Variants in AUP1 observed in about 807,000 individuals in gnomAD.
AUP1 encodes the protein lipid droplet-regulating VLDL assembly factor AUP1.
AUP1 carries 30 observed loss-of-function variants against 51.8 expected under a neutral mutation model. That is an observed-to-expected ratio of 0.58 (90% CI 0.43 to 0.79). The LOEUF is 0.79. Among genes scored for constraint, AUP1 ranks in the 30% least tolerant of loss-of-function variants. The pLI, the probability that AUP1 is intolerant of heterozygous loss-of-function variation, is 0.00. For missense variants in AUP1, 492 were observed against 517.1 expected, an observed-to-expected ratio of 0.95 and a Z score of 0.47; for synonymous variants, 227 against 209.0, an observed-to-expected ratio of 1.09 and a Z score of -0.74.
At position 74,528,771 on chromosome 2, in the gene AUP1, C is replaced by T. The variant is rs775317054; in HGVS notation, c.504G>A (p.Arg168=). ...LFPEEEATNG[R]EGLLRFSSWP... is the part of the protein sequence containing the mutation. ...CCCACCTGAAGCGCAGGAGCCCCTC[C>T]CGGCCATTGGTGGCCTCTTCCTCAG... Residue 168 remains arginine, a synonymous_variant, in exon 4 of 12, where the codon CGG becomes CGA. Transcript: ENST00000377526. 1.2e-6 allele frequency: 2 copies of T among 1,607,050 alleles called. No individual in the cohort carries two copies. Among genetic ancestry groups the T allele is most frequent in the Admixed American group, 3.4e-5 (2 of 58,654 alleles).
intron 4 of AUP1, 80 bp downstream of exon 4, chr2:74,528,671 C>A (rs758521798): frequency 6.7e-7 from 1 of 1,490,862 alleles, no homozygotes; most frequent in African/African-American, 1.4e-5. Flanking sequence ...GTCTAAGGGC[C>A]GAAGAAAGTT....
Position 74,529,016 on chromosome 2 carries a change from C to A in AUP1, c.340-81G>T, listed in dbSNP as rs754588945. ...AAAACTGACATGTTGGGTAGAGGAT[C>A]GGGGTTAGGGGTAAGGCTCAGTATC... On this transcript the variant is annotated intron_variant, in intron 3 of 11. Coordinates refer to ENST00000377526, the MANE Select transcript of AUP1 (RefSeq NM_181575.5). The A allele has an allele frequency of 2.5e-6, 4 of 1,603,618 alleles. No homozygotes were observed. In the African/African-American group the frequency reaches 5.4e-5, roughly 22 times the overall value.
rs752108501 is a variant in AUP1 at position 74,528,854 on chromosome 2, A to G, written c.421T>C (p.Ser141Pro). 6.2e-7 allele frequency: 1 copy of G among 1,613,526 alleles called. No homozygotes were observed. The highest frequency in any genetic ancestry group is 1.7e-5 in the Admixed American group (1 of 59,936). The change falls in exon 4 of 12, where the codon TCA becomes CCA. Residue 141 changes from serine (S) to proline (P), a missense_variant. Coordinates refer to ENST00000377526, the MANE Select transcript of AUP1 (RefSeq NM_181575.5). ...GTGGAAGCACAGAATCTCTTGAGTG[A>G]CTCCACCAACTCCCCCCGCCCATTC... The part of the protein sequence containing the change: ...EMNGRGELVE[S>P]LKRFCASTRL...
At chr2:74,529,065 A>C in intron 3 of AUP1, 67 bp downstream of exon 3, 1 of 1,611,290 alleles carries the variant, frequency 6.2e-7, no homozygotes, top group Non-Finnish European at 8.5e-7. Flanking sequence ...GCGAGTGGGG[A>C]CAGGGGGGCC....
Position 74,528,337 on chromosome 2 carries a change from G to A in AUP1, c.598-16C>T. ...CTGACACCGTCTGAGGGGAGGGCAT[G>A]AGATGAGGCCTAAGCCAGGGCCAGG... On this transcript the variant is annotated splice_polypyrimidine_tract_variant and intron_variant, in intron 5 of 11. Transcript: ENST00000377526. 1.9e-6 allele frequency: 3 copies of A among 1,613,912 alleles called. No individual in the cohort carries two copies. Among genetic ancestry groups the A allele is most frequent in the Non-Finnish European group, 2.5e-6 (3 of 1,179,758 alleles).
Position 74,529,448 on chromosome 2 carries a change from G to T in AUP1, c.102C>A (p.Val34=). Residue 34 remains valine (V), a synonymous_variant, in exon 2 of 12, where the codon GTC becomes GTA. Coordinates refer to ENST00000377526, the MANE Select transcript of AUP1 (RefSeq NM_181575.5). ...GGCGCAGGACGAGGAGGCAGAACCC[G>T]ACTGGCGCGTAGAGCAGCAGCACGA... The part of the protein sequence containing the change: ...LLLVLLLYAP[V]GFCLLVLRLF... 1 of 1,569,228 alleles carries T rather than the reference G, an allele frequency of 6.4e-7. No individual in the cohort carries two copies. Among genetic ancestry groups the T allele is most frequent in the East Asian group, 2.4e-5 (1 of 42,376 alleles).
At position 74,529,662 on chromosome 2, in the gene AUP1, G is replaced by C. The variant is rs1416953255; in HGVS notation, c.-33C>G. ...GCTTCAGGAGCGCCCGGCCGTCGCC[G>C]CCGCCGCCATTTTCGCGCCCGGCCG... On this transcript the variant is annotated 5_prime_UTR_variant, in exon 1 of 12. Coordinates refer to ENST00000377526, the MANE Select transcript of AUP1 (RefSeq NM_181575.5). 6.5e-7 allele frequency: 1 copy of C among 1,544,634 alleles called. No homozygotes were observed. The highest frequency in any genetic ancestry group is 1.4e-5 in the African/African-American group (1 of 73,166).
intron 8 of AUP1, 63 bp downstream of exon 8, chr2:74,527,673 G>T: frequency 1.9e-6 from 3 of 1,590,924 alleles, no homozygotes; most frequent in Non-Finnish European, 2.6e-6. Context: ...AGAAATAGGG[G>T]AGGAATCACA....
chr2:74,528,864 C>G lies in AUP1; in HGVS notation c.411G>C (p.Glu137Asp), dbSNP rs1288553855. 2 of 1,614,020 alleles carry G rather than the reference C, an allele frequency of 1.2e-6. No individual in the cohort carries two copies. Residue 137 changes from glutamate (E) to aspartate (D), a missense_variant, in exon 4 of 12, where the codon GAG (glutamate) becomes GAC (aspartate). Transcript: ENST00000377526. ...AGAATCTCTTGAGTGACTCCACCAACTCCCCCCGCCCATTCATCTCCATGA... is the reference window on the plus strand; with the variant it reads ...AGAATCTCTTGAGTGACTCCACCAAGTCCCCCCGCCCATTCATCTCCATGA... ...RGFMEMNGRG[E>D]LVESLKRFCA...
rs1375908383 is a variant in AUP1 at position 74,529,237 on chromosome 2, C to A, written c.234G>T (p.Arg78=). 6.2e-7 allele frequency: 1 copy of A among 1,614,086 alleles called. No individual in the cohort carries two copies. Among genetic ancestry groups the A allele is most frequent in the South Asian group, 1.1e-5 (1 of 91,086 alleles). The change falls in exon 3 of 12, where the codon CGG becomes CGT. Residue 78 remains arginine (R), a synonymous_variant. Transcript: ENST00000377526. ...TMCAVLGLVA[R]QEDSGLRDHS... ...GATCCCGGAGTCCGGAGTCCTCCTG[C>A]CGGGCCACGAGCCCTAGCACCGCAC...
chr2:74,527,498 G>A lies in AUP1; in HGVS notation c.934C>T (p.Pro312Ser). Residue 312 changes from proline to serine, a missense_variant, in exon 9 of 12, where the codon CCA becomes TCA. Pro to Ser is a moderately conservative substitution (Grantham distance 74). Coordinates refer to ENST00000377526, the MANE Select transcript of AUP1 (RefSeq NM_181575.5). ...QRVKEVLPHV[P>S]LGVIQRDLAK... is the part of the protein sequence containing the mutation. ...AGGTCTCTCTGGATGACACCCAATGGCACATGGGGCAAAACTTCCTTGACT... is the reference window on the plus strand; with the variant it reads ...AGGTCTCTCTGGATGACACCCAATGACACATGGGGCAAAACTTCCTTGACT... The A allele has an allele frequency of 1.9e-6, 3 of 1,613,744 alleles. No homozygotes were observed. The highest frequency in any genetic ancestry group is 2.5e-6 in the Non-Finnish European group (3 of 1,179,888).
At chr2:74,528,516 G>A in intron 4 of AUP1, 27 bp from the exon 5 acceptor site, 2 of 1,590,994 alleles carry the variant, frequency 1.3e-6, no homozygotes, top group Non-Finnish European at 1.7e-6. Context: ...AAAGTAGGAT[G>A]GGAATCCAGC....
At chr2:74,527,216 A>G (rs370363644) in intron 10 of AUP1, 32 bp downstream of exon 10, 6 of 1,607,856 alleles carry the variant, frequency 3.7e-6, no homozygotes, top group Non-Finnish European at 5.1e-6. Context: ...ACTCACCCCA[A>G]CACTTGGATC....
Position 74,527,015 on chromosome 2 carries a change from T to C in AUP1, c.1122A>G (p.Thr374=), listed in dbSNP as rs774767839. 1.5e-5 allele frequency: 25 copies of C among 1,614,026 alleles called. No individual in the cohort carries two copies. In the African/African-American group the frequency reaches 3.3e-4, roughly 22 times the overall value. ...GCCGGGCCCAGGAAGACTTGGCAAA[T>C]GTTAGGGCTGTTGGCTGAGGGGTCA... The part of the protein sequence containing the change: ...GPVTPQPTAL[T]FAKSSWARQE... Residue 374 remains threonine (T), a synonymous_variant, in exon 11 of 12, where the codon ACA becomes ACG. Transcript: ENST00000377526.
rs1295668884 is a variant in AUP1 at position 74,529,697 on chromosome 2, T to C, written c.-68A>G. 6.5e-7 allele frequency: 1 copy of C among 1,537,398 alleles called. No homozygotes were observed. The highest frequency in any genetic ancestry group is 8.7e-7 in the Non-Finnish European group (1 of 1,146,096). ...TTTTCGCGCCCGGCCGCAGGGGCTC[T>C]TGGGAAGGCGGAGTCTTTGGGCATC... On this transcript the variant is annotated 5_prime_UTR_variant, in exon 1 of 12. Coordinates refer to ENST00000377526, the MANE Select transcript of AUP1 (RefSeq NM_181575.5).
Position 74,529,038 on chromosome 2 carries a change from T to A in AUP1, c.339+94A>T, listed in dbSNP as rs749409163. 2.5e-6 allele frequency: 4 copies of A among 1,605,790 alleles called. No individual in the cohort carries two copies. The South Asian group carries it at 4.4e-5, about 18-fold the overall frequency. ...GATCGGGGTTAGGGGTAAGGCTCAGTATCCTCCATGGGGAACGCGAGTGGG... is the reference window on the plus strand; with the variant it reads ...GATCGGGGTTAGGGGTAAGGCTCAGAATCCTCCATGGGGAACGCGAGTGGG... On this transcript the variant is annotated intron_variant, in intron 3 of 11. Coordinates refer to ENST00000377526, the MANE Select transcript of AUP1 (RefSeq NM_181575.5).
rs774037009 is a variant in AUP1 at position 74,529,290 on chromosome 2, C to T, written c.189-8G>A. The T allele has an allele frequency of 9.3e-6, 15 of 1,614,060 alleles. No individual in the cohort carries two copies. In the South Asian group the frequency reaches 1.6e-4, roughly 18 times the overall value. ...ATGGTCCGCACTACGAATCTGGGGA[C>T]ACAGGAGGTGGTGACTGTGTGGCCT... On this transcript the variant is annotated splice_region_variant and splice_polypyrimidine_tract_variant and intron_variant, in intron 2 of 11. Transcript: ENST00000377526.
rs534523810 is a variant in AUP1, at chr2:74,526,974, T to C, written c.1163A>G (p.Glu388Gly). Residue 388 changes from glutamate (E) to glycine (G), a missense_variant, in exon 11 of 12, where the codon GAG becomes GGG. Physicochemically the swap from Glu to Gly is moderately conservative, Grantham distance 98. Transcript: ENST00000377526. ...SSWARQESLQ[E>G]RKQALYEYAR... is the part of the protein sequence containing the mutation. ...GTATTCATATAGTGCTTGCTTGCGC[T>C]CCTGCAGGCTCTCCTGCCGGGCCCA... The C allele has an allele frequency of 6.2e-6, 10 of 1,614,184 alleles. No individual in the cohort carries two copies. The highest frequency in any genetic ancestry group is 3.3e-5 in the Admixed American group (2 of 60,030).
chr2:74,527,915 C>T (rs780150212), intron 7 of AUP1, 25 bp downstream of exon 7: 8 of 1,614,096 alleles, frequency 5.0e-6, no homozygotes, highest in South Asian at 3.3e-5. Flanking sequence ...GACCCCGCCT[C>T]CACCCTGTCT....
Sources: allele counts gnomAD v4.1 joint callset, GRCh38; gene constraint gnomAD v4.1.1; transcripts MANE v1.5; gene names NCBI Gene and HGNC (gene_info 2026-07-23, HGNC 2026-07-21).